Variants in SLC24A4 observed in about 807,000 individuals in gnomAD.
SLC24A4 encodes solute carrier family 24 member 4.
SLC24A4 carries 53 observed loss-of-function variants against 79.0 expected under a neutral mutation model. The ratio of observed to expected loss-of-function variants is 0.67; its 90% CI spans 0.54 to 0.84. The LOEUF is 0.84. Among genes scored for constraint, SLC24A4 ranks in the 40% least tolerant of loss-of-function variants. The pLI is 0.00. For missense variants in SLC24A4, 731 were observed against 822.0 expected, an observed-to-expected ratio of 0.89 and a Z score of 1.35; for synonymous variants, 323 against 323.8, an observed-to-expected ratio of 1.00 and a Z score of 0.03.
intron 2 of SLC24A4, among the ~76,000 whole-genome samples, chr14:92,357,866 C>T (rs954073786): frequency 6.6e-6 from 1 of 152,200 alleles, no homozygotes; most frequent in African/African-American, 2.4e-5. Context: ...ACCACAATGT[C>T]TGCAACTTAA....
At chr14:92,421,160 TACA>T (rs1406068161) in intron 2 of SLC24A4, among the ~76,000 whole-genome samples, 2 of 152,182 alleles carry the variant, frequency 1.3e-5, no homozygotes, top group South Asian at 2.1e-4. Flanking sequence ...CCATGAACAG[TACA>T]ACAACGAGAA....
intron 13 of SLC24A4, chr14:92,483,915 C>A: frequency 7.8e-7 from 1 of 1,276,170 alleles, no homozygotes. Flanking sequence ...ACGTTCCATG[C>A]TGGCCCAGGG....
rs1211806006 is a variant in SLC24A4, at chr14:92,398,787, G to A, written c.242-35125G>A. ...CCTCCTGCCCTCAGTGGAAACCCCG[G>A]AGAGATGGCTGCACTAGATGGAGTC... is the stretch of plus-strand genomic sequence containing the variant. On this transcript the variant is annotated intron_variant, in intron 2 of 16. Transcript: ENST00000532405. The surrounding 1 kb of genome is among the most constrained non-coding windows in gnomAD (Gnocchi z 4.1). Among the ~76,000 whole-genome samples the A allele has an allele frequency of 2.0e-5, 3 of 152,208 alleles. No homozygotes were observed. The highest frequency in any genetic ancestry group is 3.9e-4 in the East Asian group (2 of 5,194).
chr14:92,391,921 C>A (rs1889486366), intron 2 of SLC24A4, among the ~76,000 whole-genome samples: 1 of 152,180 alleles, frequency 6.6e-6, no homozygotes, highest in Non-Finnish European at 1.5e-5. Context: ...TCAGCCAGCA[C>A]CTGACTGCAG....
chr14:92,345,080 A>G (rs1043451456), intron 2 of SLC24A4, among the ~76,000 whole-genome samples: 2 of 152,156 alleles, frequency 1.3e-5, no homozygotes, highest in African/African-American at 4.8e-5. Flanking sequence ...GGTGGGCCCA[A>G]TTAGGGTGCT....
At position 92,330,841 on chromosome 14, in the gene SLC24A4, C is replaced by A. The variant is rs78967442; in HGVS notation, c.241+4863C>A. ...TCTAACCTTAATTACCTCCCAAAAG[C>A]CCTGCCTCCAAATACCATCACATTG... is the stretch of plus-strand genomic sequence containing the variant. On this transcript the variant is annotated intron_variant, in intron 2 of 16. Coordinates refer to ENST00000532405, the MANE Select transcript of SLC24A4 (RefSeq NM_153646.4). Among the ~76,000 whole-genome samples, 627 of 152,272 alleles carry A rather than the reference C, an allele frequency of 4.1e-3. 4 individuals are homozygous for A. Among genetic ancestry groups the A allele is most frequent in the Non-Finnish European group, 6.8e-3 (462 of 68,004 alleles).
In SLC24A4 at chr14:92,416,587, A is replaced by G. The variant is rs1185450662; in HGVS notation, c.242-17325A>G. Among the ~76,000 whole-genome samples, 6 of 152,306 alleles carry G rather than the reference A, an allele frequency of 3.9e-5. No individual in the cohort carries two copies. In the East Asian group the frequency reaches 1.2e-3, roughly 29 times the overall value. On this transcript the variant is annotated intron_variant, in intron 2 of 16. Transcript: ENST00000532405. ...TCCAAAGAGATGCCTAAGGAAGGAA[A>G]AGGCCACAGGCTGGAGGTTCAGTGA... is the stretch of plus-strand genomic sequence containing the variant.
At chr14:92,408,874 G>A (rs970370555) in intron 2 of SLC24A4, among the ~76,000 whole-genome samples, 3 of 152,102 alleles carry the variant, frequency 2.0e-5, no homozygotes, top group Admixed American at 2.0e-4. Context: ...GTGGTTGTGG[G>A]GAACTTTCAT....
At chr14:92,364,960 G>A (rs1352803534) in intron 2 of SLC24A4, among the ~76,000 whole-genome samples, 1 of 152,180 alleles carries the variant, frequency 6.6e-6, no homozygotes, top group African/African-American at 2.4e-5. Context: ...CCTTCCTCCT[G>A]CCTTGCCCCT....
chr14:92,413,158 C>A (rs1890812844), intron 2 of SLC24A4, among the ~76,000 whole-genome samples: 1 of 152,146 alleles, frequency 6.6e-6, no homozygotes, highest in Admixed American at 6.5e-5. Context: ...TTAAGATACT[C>A]TCATCCTGTC....
Position 92,490,765 on chromosome 14 carries a change from C to T in SLC24A4, c.1538-900C>T, listed in dbSNP as rs895954580. 1.3e-5 allele frequency among the ~76,000 whole-genome samples: 2 copies of T among 152,220 alleles called. No individual in the cohort carries two copies. Among genetic ancestry groups the T allele is most frequent in the East Asian group, 3.9e-4 (2 of 5,190 alleles). Reference sequence around the variant, plus strand: ...GGAGTCCTCATAGAACATCAGCTGACAAGCCTGGCAGGAGAGATCATGAAG... The same window carrying T: ...GGAGTCCTCATAGAACATCAGCTGATAAGCCTGGCAGGAGAGATCATGAAG... On this transcript the variant is annotated intron_variant, in intron 14 of 16. Coordinates refer to ENST00000532405, the MANE Select transcript of SLC24A4 (RefSeq NM_153646.4). This position sits in a 1 kb window ranked among gnomAD's most constrained non-coding sequence, Gnocchi z 4.3.
chr14:92,405,749 A>G (rs779713879), intron 2 of SLC24A4, among the ~76,000 whole-genome samples: 5 of 152,132 alleles, frequency 3.3e-5, no homozygotes, highest in Non-Finnish European at 7.3e-5. Flanking sequence ...TAAGGGGGAA[A>G]TCTGCCTCCA....
intron 4 of SLC24A4, among the ~76,000 whole-genome samples, chr14:92,440,527 T>C (rs1260491198): frequency 6.6e-6 from 1 of 151,994 alleles, no homozygotes; most frequent in Non-Finnish European, 1.5e-5. Context: ...CCCGCTAGGC[T>C]GAGAGCTTGG....
chr14:92,478,891 G>C (rs889087790), intron 12 of SLC24A4, among the ~76,000 whole-genome samples: 1 of 152,122 alleles, frequency 6.6e-6, no homozygotes. Context: ...ATGTTTGGTA[G>C]TTTTCAGCAT....
At chr14:92,445,235 G>A (rs78521571) in intron 7 of SLC24A4, 82 bp from the exon 8 acceptor site, 78,486 of 1,517,350 alleles carry the variant, frequency 0.052, 2,560 homozygotes, top group Non-Finnish European at 0.059. Flanking sequence ...AATTGGCTCT[G>A]GGTGCCTGGG....
chr14:92,462,052 G>A (rs1024008402), intron 12 of SLC24A4: 5 of 152,208 alleles, frequency 3.3e-5, no homozygotes, highest in Admixed American at 6.5e-5. Flanking sequence ...TTATAGAGGC[G>A]GAAACAGGCT....
intron 2 of SLC24A4, among the ~76,000 whole-genome samples, chr14:92,340,488 T>A (rs1458972562): frequency 6.6e-6 from 1 of 152,172 alleles, no homozygotes; most frequent in Non-Finnish European, 1.5e-5. Flanking sequence ...GAGAGAGAAC[T>A]TGACCAAATC....
In SLC24A4 at chr14:92,493,457, C is replaced by T. The variant is rs911317987; in HGVS notation, c.1717-19C>T. 2 of 1,613,482 alleles carry T rather than the reference C, an allele frequency of 1.2e-6. No individual in the cohort carries two copies. Among genetic ancestry groups the T allele is most frequent in the Admixed American group, 1.7e-5 (1 of 59,970 alleles). Reference sequence around the variant, plus strand: ...TTTCTTTGCCCTGCAAGCCCAGTTCCCACACTCTGTCCTCCCAGGTCCTCG... The same window carrying T: ...TTTCTTTGCCCTGCAAGCCCAGTTCTCACACTCTGTCCTCCCAGGTCCTCG... On this transcript the variant is annotated intron_variant, in intron 16 of 16. Transcript: ENST00000532405.
intron 2 of SLC24A4, among the ~76,000 whole-genome samples, chr14:92,358,443 G>A (rs1410694137): frequency 6.6e-6 from 1 of 151,992 alleles, no homozygotes; most frequent in Non-Finnish European, 1.5e-5. Flanking sequence ...AGGTGCTGGG[G>A]TGCTGGCAGG....
Sources: allele counts gnomAD v4.1 joint callset (sites outside exome capture counted in the v4.1 genomes callset), GRCh38; gene constraint gnomAD v4.1.1; non-coding constraint Gnocchi (gnomAD v3.1); transcripts MANE v1.5; gene names NCBI Gene and HGNC (gene_info 2026-07-23, HGNC 2026-07-21).